SMURF1: variants seen among roughly 807,000 people sequenced by gnomAD.
The protein encoded by SMURF1 is SMAD specific E3 ubiquitin protein ligase 1.
In SMURF1, 44 loss-of-function variants were observed where a neutral mutation model predicts 98.0. The observed-to-expected ratio is 0.45, with a 90% CI of 0.35 to 0.58. The LOEUF is 0.58. SMURF1 is among the 20% of genes least tolerant of loss of function. The pLI, the probability that SMURF1 is intolerant of heterozygous loss-of-function variation, is 0.00. For missense variants in SMURF1, 687 were observed against 938.4 expected (o/e 0.73, Z 3.50); for synonymous variants, 396 against 374.9 (o/e 1.06, Z -0.65).
chr7:99,109,838 T>C (rs1470093502), intron 1 of SMURF1, among the ~76,000 whole-genome samples: 2 of 152,198 alleles, frequency 1.3e-5, no homozygotes, highest in Admixed American at 6.5e-5. Flanking sequence ...TGATAAAATA[T>C]ACATATTTCA....
chr7:99,054,666 C>T, intron 6 of SMURF1, 124 bp downstream of exon 6: 3 of 789,864 alleles, frequency 3.8e-6, no homozygotes, highest in Admixed American at 4.4e-5. Flanking sequence ...AGTTTTATCC[C>T]AACATCCTTT....
At chr7:99,127,165 A>G (rs1286449423) in intron 1 of SMURF1, among the ~76,000 whole-genome samples, 3 of 152,238 alleles carry the variant, frequency 2.0e-5, no homozygotes, top group Admixed American at 6.5e-5. Context: ...CTGCAAGGTC[A>G]CACGGGAACG....
At chr7:99,062,138 A>C (rs192717727) in intron 1 of SMURF1, among the ~76,000 whole-genome samples, 2,419 of 151,816 alleles carry the variant, frequency 0.016, 34 homozygotes, top group Non-Finnish European at 0.02. Flanking sequence ...TCTCTTGCCC[A>C]GGCTGGAGTG....
chr7:99,039,607 A>G (rs2150506363), intron 13 of SMURF1, among the ~76,000 whole-genome samples: 1 of 152,250 alleles, frequency 6.6e-6, no homozygotes, highest in Non-Finnish European at 1.5e-5. Flanking sequence ...AGAGCAAGTG[A>G]TCCACCCACC....
At chr7:99,141,589 T>C (rs544646649) in intron 1 of SMURF1, among the ~76,000 whole-genome samples, 2 of 152,144 alleles carry the variant, frequency 1.3e-5, no homozygotes, top group South Asian at 4.1e-4. Flanking sequence ...GAAGCAAAGA[T>C]CCCAGAGGAA....
chr7:99,104,977 T>A (rs1797164363), intron 1 of SMURF1, among the ~76,000 whole-genome samples: 1 of 152,212 alleles, frequency 6.6e-6, no homozygotes, highest in South Asian at 2.1e-4. Context: ...TCCAATTAAT[T>A]TTCTTAAGCC....
chr7:99,131,289 G>A (rs565570657), intron 1 of SMURF1, among the ~76,000 whole-genome samples: 13 of 152,244 alleles, frequency 8.5e-5, no homozygotes, highest in South Asian at 2.1e-4. Flanking sequence ...TAAAAATGTG[G>A]AAATTAGCTG....
intron 1 of SMURF1, among the ~76,000 whole-genome samples, chr7:99,086,974 T>C (rs1323919727): frequency 6.6e-6 from 1 of 152,200 alleles, no homozygotes; most frequent in Non-Finnish European, 1.5e-5. Flanking sequence ...GAAACTATTC[T>C]GAAATTAGAG....
Position 99,047,757 on chromosome 7 carries a change from C to G in SMURF1, c.1079G>C (p.Arg360Thr). The G allele has an allele frequency of 6.2e-7, 1 of 1,614,250 alleles. No homozygotes were observed. Among genetic ancestry groups the G allele is most frequent in the East Asian group, 2.2e-5 (1 of 44,890 alleles). Residue 360 changes from arginine (R) to threonine (T), a missense_variant, in exon 10 of 18, where the codon AGA becomes ACA. Coordinates refer to ENST00000361368, the MANE Select transcript of SMURF1 (RefSeq NM_181349.3). The stretch of plus-strand genomic sequence containing the variant: ...GGGCTGCTGAAGCGACAGTTCGTGT[C>G]TGAGGACTTTCAGCTTCTGGACTAG... ...RDLVQKLKVL[R>T]HELSLQQPQA...
chr7:99,143,554 G>A (rs1214542430), intron 1 of SMURF1, among the ~76,000 whole-genome samples, 172 bp downstream of exon 1: 5 of 128,812 alleles, frequency 3.9e-5, no homozygotes, highest in Non-Finnish European at 8.6e-5. Context: ...GCCGGGCAAC[G>A]GCGAGGGGGC....
chr7:99,132,876 G>C (rs1417134343), intron 1 of SMURF1, among the ~76,000 whole-genome samples: 1 of 152,126 alleles, frequency 6.6e-6, no homozygotes, highest in East Asian at 1.9e-4. Flanking sequence ...TCTGAGTAGG[G>C]AGCTGCTGGA....
chr7:99,097,681 GT>G (rs1392639283), intron 1 of SMURF1, among the ~76,000 whole-genome samples: 2 of 152,194 alleles, frequency 1.3e-5, no homozygotes, highest in Non-Finnish European at 2.9e-5. Flanking sequence ...GTGGTATTGT[GT>G]TATAGCAACA....
chr7:99,103,066 G>C (rs529417374), intron 1 of SMURF1, among the ~76,000 whole-genome samples: 1 of 152,176 alleles, frequency 6.6e-6, no homozygotes, highest in South Asian at 2.1e-4. Flanking sequence ...GCCTCCCAAA[G>C]TACTGAGATT....
intron 1 of SMURF1, among the ~76,000 whole-genome samples, chr7:99,118,137 C>T (rs780455013): frequency 5.9e-5 from 9 of 152,036 alleles, no homozygotes; most frequent in Admixed American, 2.0e-4. Context: ...AAAAACAAAA[C>T]GATGATGGAA....
rs190178571 is a variant in SMURF1, at chr7:99,094,508, C to G, written c.56-32671G>C. On this transcript the variant is annotated intron_variant, in intron 1 of 17. Coordinates refer to ENST00000361368, the MANE Select transcript of SMURF1 (RefSeq NM_181349.3). ...GAATTCAACTTAATTCAAATACCAT[C>G]TGTTCTGTTCTGCTTCTGTAACACA... Among the ~76,000 whole-genome samples the G allele has an allele frequency of 4.6e-5, 7 of 152,268 alleles. No homozygotes were observed. The East Asian group carries it at 1.2e-3, about 25-fold the overall frequency.
chr7:99,073,377 CAAAA>C (rs766203496), intron 1 of SMURF1, among the ~76,000 whole-genome samples: 2 of 88,796 alleles, frequency 2.3e-5, no homozygotes, highest in Admixed American at 1.3e-4. Flanking sequence ...GACTCCATCT[CAAAA>C]AAAAAAAAAA....
At chr7:99,114,506 T>C (rs1310377781) in intron 1 of SMURF1, among the ~76,000 whole-genome samples, 1 of 151,838 alleles carries the variant, frequency 6.6e-6, no homozygotes, top group East Asian at 1.9e-4. Flanking sequence ...GCCCCAAATA[T>C]ATGAGGAAAA....
chr7:99,091,384 G>A (rs1156446742), intron 1 of SMURF1, among the ~76,000 whole-genome samples: 1 of 152,180 alleles, frequency 6.6e-6, no homozygotes, highest in African/African-American at 2.4e-5. Flanking sequence ...TTGCTACGTT[G>A]TAGTCTACCA....
chr7:99,052,392 T>C lies in SMURF1; in HGVS notation c.534A>G (p.Glu178=), dbSNP rs954625447. ...PGRPLSCFME[E]PAPYTDSTGA... is the part of the protein sequence containing the mutation. The stretch of plus-strand genomic sequence containing the variant: ...CGGTGCTATCTGTGTAAGGGGCTGG[T>C]TCCTCCATGAAGCAGCTGAGCGGCC... Residue 178 remains glutamate (E), a synonymous_variant, in exon 7 of 18, where the codon GAA becomes GAG. Coordinates refer to ENST00000361368, the MANE Select transcript of SMURF1 (RefSeq NM_181349.3). 3.7e-6 allele frequency: 6 copies of C among 1,607,186 alleles called. No individual in the cohort carries two copies. Among genetic ancestry groups the C allele is most frequent in the East Asian group, 4.5e-5 (2 of 44,744 alleles).
Sources: gnomAD v4.1 joint callset for allele counts (sites outside exome capture counted in the v4.1 genomes callset) on GRCh38, gnomAD v4.1.1 for gene constraint, MANE v1.5 for transcripts, NCBI Gene and HGNC (gene_info 2026-07-23, HGNC 2026-07-21) for gene names.